Variants in KCNMB2 observed in about 807,000 individuals in gnomAD.
KCNMB2 encodes the protein calcium-activated potassium channel subunit beta-2.
A neutral mutation model predicts 24.5 loss-of-function variants in KCNMB2; 9 were observed. The ratio of observed to expected loss-of-function variants is 0.37; its 90% CI spans 0.22 to 0.64. The LOEUF (loss-of-function observed/expected upper bound fraction) is 0.64, where lower values mean the gene tolerates loss of function less well. Among genes scored for constraint, KCNMB2 ranks in the 30% least tolerant of loss-of-function variants. KCNMB2 has a pLI of 0.63. For synonymous variants in KCNMB2, 109 were observed against 104.4 expected (o/e 1.04, Z -0.27); for missense variants, 226 against 284.3 (o/e 0.79, Z 1.47).
chr3:178,722,516 C>G (rs1722840083), intron 1 of KCNMB2, among the ~76,000 whole-genome samples: 1 of 152,168 alleles, frequency 6.6e-6, no homozygotes, highest in South Asian at 2.1e-4. Flanking sequence ...CAAACTCACT[C>G]TGGTGATAAT....
At chr3:178,552,535 G>A (rs536150092) in intron 1 of KCNMB2, among the ~76,000 whole-genome samples, 7 of 152,020 alleles carry the variant, frequency 4.6e-5, no homozygotes, top group South Asian at 4.2e-4. Context: ...TTTCCTTTCT[G>A]TCTCATTTCC....
At chr3:178,766,384 G>C (rs1367479189) in intron 1 of KCNMB2, among the ~76,000 whole-genome samples, 1 of 151,782 alleles carries the variant, frequency 6.6e-6, no homozygotes, top group Non-Finnish European at 1.5e-5. Flanking sequence ...TATGGCAATG[G>C]GGTCTCACTG....
At chr3:178,757,423 T>A (rs1405851416) in intron 1 of KCNMB2, among the ~76,000 whole-genome samples, 1 of 64,274 alleles carries the variant, frequency 1.6e-5, no homozygotes, top group African/African-American at 7.4e-5. Context: ...TATATATATA[T>A]GTATATATAT....
At chr3:178,782,103 C>G (rs1712881057) in intron 1 of KCNMB2, among the ~76,000 whole-genome samples, 2 of 117,136 alleles carry the variant, frequency 1.7e-5, no homozygotes, top group South Asian at 6.5e-4. Context: ...ATCCATGTCC[C>G]TACAAAGGAC....
intron 1 of KCNMB2, among the ~76,000 whole-genome samples, chr3:178,662,507 G>A (rs1410789949): frequency 6.6e-6 from 1 of 152,032 alleles, no homozygotes; most frequent in Non-Finnish European, 1.5e-5. Context: ...CACCATTATG[G>A]TCTTATACCT....
chr3:178,739,276 C>T lies in KCNMB2; in HGVS notation c.-67-68067C>T, dbSNP rs535574070. On this transcript the variant is annotated intron_variant, in intron 1 of 4. Coordinates refer to ENST00000452583, the MANE Select transcript of KCNMB2 (RefSeq NM_181361.3). ...ACTAGAACAAAAACACTTACCTGCC[C>T]GCCTCAAGTGATAAGTTGAAGGAGA... Among the ~76,000 whole-genome samples, 19 of 152,222 alleles carry T rather than the reference C, an allele frequency of 1.2e-4. No individual in the cohort carries two copies. The South Asian group carries it at 3.1e-3, about 25-fold the overall frequency.
At chr3:178,558,522 T>C in intron 1 of KCNMB2, among the ~76,000 whole-genome samples, 1 of 152,306 alleles carries the variant, frequency 6.6e-6, no homozygotes, top group East Asian at 1.9e-4. Flanking sequence ...CTGTCTGTAT[T>C]TTAATTTTTG....
At chr3:178,645,232 T>C (rs764322704) in intron 1 of KCNMB2, among the ~76,000 whole-genome samples, 1 of 151,928 alleles carries the variant, frequency 6.6e-6, no homozygotes, top group African/African-American at 2.4e-5. Context: ...GTATTTTTAG[T>C]AGAGACGGGG....
chr3:178,577,513 A>T (rs1717039544), intron 1 of KCNMB2, among the ~76,000 whole-genome samples: 1 of 152,214 alleles, frequency 6.6e-6, no homozygotes, highest in Non-Finnish European at 1.5e-5. Flanking sequence ...GTGGACAGAG[A>T]ATGAGTTTGA....
chr3:178,782,315 A>G (rs1191004074), intron 1 of KCNMB2, among the ~76,000 whole-genome samples: 1 of 140,310 alleles, frequency 7.1e-6, no homozygotes, highest in Non-Finnish European at 1.6e-5. Context: ...CAGTAATGGG[A>G]TGGCTGGGTC....
chr3:178,828,151 T>TA lies in KCNMB2; in HGVS notation c.228-27_228-26insA, dbSNP rs765944998. 4.8e-5 allele frequency: 76 copies of TA among 1,573,606 alleles called. 2 individuals are homozygous for TA. In the South Asian group the frequency reaches 8.3e-4, roughly 17 times the overall value. ...TTCTCACTATTAGCTCTTGGGCCTG[T>TA]GTTTACTCTCACCCCTTTCTCTGCA... is the stretch of plus-strand genomic sequence containing the variant. On this transcript the variant is annotated intron_variant, in intron 3 of 4. Coordinates refer to ENST00000452583, the MANE Select transcript of KCNMB2 (RefSeq NM_181361.3).
intron 1 of KCNMB2, among the ~76,000 whole-genome samples, chr3:178,609,966 C>T (rs960463061): frequency 6.6e-6 from 1 of 152,074 alleles, no homozygotes; most frequent in Non-Finnish European, 1.5e-5. Flanking sequence ...TGGTAAGAGA[C>T]AAAGTTCTAG....
chr3:178,573,905 G>A (rs1476133948), intron 1 of KCNMB2, among the ~76,000 whole-genome samples: 2 of 152,112 alleles, frequency 1.3e-5, no homozygotes, highest in African/African-American at 4.8e-5. Flanking sequence ...CCTGTGAAAG[G>A]AGAGATGAAA....
chr3:178,814,084 T>C (rs1231320152), intron 2 of KCNMB2, among the ~76,000 whole-genome samples: 1 of 152,086 alleles, frequency 6.6e-6, no homozygotes, highest in African/African-American at 2.4e-5. Context: ...TGGGCCTCTA[T>C]TGAACCCATC....
intron 1 of KCNMB2, among the ~76,000 whole-genome samples, chr3:178,781,203 T>C (rs1464447200): frequency 6.8e-6 from 1 of 147,860 alleles, no homozygotes. Flanking sequence ...AAATTATATA[T>C]GTGACACATT....
intron 4 of KCNMB2, among the ~76,000 whole-genome samples, chr3:178,838,617 A>C (rs1167842461): frequency 6.6e-6 from 1 of 151,128 alleles, no homozygotes; most frequent in East Asian, 1.9e-4. Flanking sequence ...TGATAAAGTC[A>C]TGGGAAAGAG....
chr3:178,658,838 G>C (rs186742682), intron 1 of KCNMB2, among the ~76,000 whole-genome samples: 7 of 152,200 alleles, frequency 4.6e-5, no homozygotes, highest in African/African-American at 1.7e-4. Context: ...AAAGCCTACA[G>C]AATGCTCAGA....
At chr3:178,738,652 G>C (rs576041489) in intron 1 of KCNMB2, among the ~76,000 whole-genome samples, 2 of 152,056 alleles carry the variant, frequency 1.3e-5, no homozygotes, top group South Asian at 4.2e-4. Flanking sequence ...TTTGACCCCA[G>C]GACAAATTTC....
At chr3:178,778,470 A>ACGTGCGCGCGCGCGCGCG (rs1469982956) in intron 1 of KCNMB2, among the ~76,000 whole-genome samples, 135 of 88,562 alleles carry the variant, frequency 1.5e-3, no homozygotes, top group Middle Eastern at 9.1e-3. Flanking sequence ...ACACACACAC[A>ACGTGCGCGCGCGCGCGCG]CACACACACA....
Sources: allele counts gnomAD v4.1 joint callset (sites outside exome capture counted in the v4.1 genomes callset), GRCh38; gene constraint gnomAD v4.1.1; transcripts MANE v1.5; gene names NCBI Gene and HGNC (gene_info 2026-07-23, HGNC 2026-07-21).